DDX4: variants seen among roughly 807,000 people sequenced by gnomAD.
The protein encoded by DDX4 is DEAD-box helicase 4.
DDX4 carries 25 observed loss-of-function variants against 100.0 expected under a neutral mutation model. The observed-to-expected ratio is 0.25, with a 90% CI of 0.18 to 0.35. DDX4 has a LOEUF of 0.35. Ranked by LOEUF, DDX4 falls within the 10% of genes least tolerant of loss-of-function variation. The probability of loss-of-function intolerance (pLI) is 1.00; values close to 1 mark genes in which losing one functional copy is unlikely to be tolerated. For missense variants in DDX4, 635 were observed against 882.4 expected (o/e 0.72, Z 3.55); for synonymous variants, 259 against 275.7 (o/e 0.94, Z 0.60).
intron 16 of DDX4, among the ~76,000 whole-genome samples, chr5:55,792,092 C>G (rs557486727): frequency 8.4e-4 from 120 of 142,582 alleles, no homozygotes; most frequent in African/African-American, 2.9e-3. Flanking sequence ...CCACTGCACT[C>G]CAGCCTGGGC....
Position 55,795,676 on chromosome 5 carries a change from A to G in DDX4, c.1470-2750A>G, listed in dbSNP as rs527617141. Among the ~76,000 whole-genome samples, 187 of 152,252 alleles carry G rather than the reference A, an allele frequency of 1.2e-3. 6 individuals are homozygous for G. The South Asian group carries it at 0.037, about 30-fold the overall frequency. Reference sequence around the variant, plus strand: ...TAGGTTCAGCTACTCAGGAGGCTAAAGTGGGAGGATCTCTTGAGCCCAGGA... The same window carrying G: ...TAGGTTCAGCTACTCAGGAGGCTAAGGTGGGAGGATCTCTTGAGCCCAGGA... On this transcript the variant is annotated intron_variant, in intron 17 of 21. Coordinates refer to ENST00000505374, the MANE Select transcript of DDX4 (RefSeq NM_024415.3).
intron 2 of DDX4, among the ~76,000 whole-genome samples, chr5:55,741,677 T>C (rs1479688329): frequency 1.3e-5 from 2 of 151,934 alleles, no homozygotes; most frequent in African/African-American, 4.8e-5. Context: ...TAGCCTCAGC[T>C]ACTTGGGAGG....
chr5:55,785,808 C>T lies in DDX4; in HGVS notation c.801C>T (p.Asn267=). Residue 267 remains asparagine (N), a synonymous_variant, in exon 13 of 22, where the codon AAC becomes AAT. Coordinates refer to ENST00000505374, the MANE Select transcript of DDX4 (RefSeq NM_024415.3). ...SIFAHYQTGI[N]FDKYDTILVE... The stretch of plus-strand genomic sequence containing the variant: ...TTGCACATTATCAGACAGGCATAAA[C>T]TTCGACAAATACGACACTATTCTTG... The T allele has an allele frequency of 1.2e-6, 2 of 1,610,220 alleles. No homozygotes were observed. Among genetic ancestry groups the T allele is most frequent in the Non-Finnish European group, 1.7e-6 (2 of 1,176,458 alleles).
Position 55,790,208 on chromosome 5 carries a change from G to T in DDX4, c.1173-368G>T, listed in dbSNP as rs75161986. Among the ~76,000 whole-genome samples, 4 of 145,246 alleles carry T rather than the reference G, an allele frequency of 2.8e-5. No individual in the cohort carries two copies. The East Asian group carries it at 6.2e-4, about 22-fold the overall frequency. ...TGCCCAGGCTGGAGTAGAGTGGTGG[G>T]ATCTCGGCTCACTGCAACCTCTGCC... On this transcript the variant is annotated intron_variant, in intron 15 of 21. Coordinates refer to ENST00000505374, the MANE Select transcript of DDX4 (RefSeq NM_024415.3).
chr5:55,751,442 C>T (rs1175514106), intron 3 of DDX4, among the ~76,000 whole-genome samples: 2 of 152,162 alleles, frequency 1.3e-5, no homozygotes, highest in East Asian at 3.8e-4. Flanking sequence ...GCTATGTTGC[C>T]CAGGCTGGTC....
At chr5:55,803,178 G>C (rs374536938) in intron 18 of DDX4, among the ~76,000 whole-genome samples, 1 of 127,024 alleles carries the variant, frequency 7.9e-6, no homozygotes, top group South Asian at 2.7e-4. Flanking sequence ...AATTCCCACC[G>C]ATGAGTGAGA....
Position 55,791,776 on chromosome 5 carries a change from G to A in DDX4, c.1303-865G>A, listed in dbSNP as rs115751862. ...AAGTCACAGTAGCCACATTTCAAGCGCCTAATAGCTAGCTACCTTTGGCTA... is the reference window on the plus strand; with the variant it reads ...AAGTCACAGTAGCCACATTTCAAGCACCTAATAGCTAGCTACCTTTGGCTA... On this transcript the variant is annotated intron_variant, in intron 16 of 21. Transcript: ENST00000505374. 4.1e-3 allele frequency among the ~76,000 whole-genome samples: 629 copies of A among 152,228 alleles called. 3 individuals carry two copies. Among genetic ancestry groups the A allele is most frequent in the African/African-American group, 0.015 (610 of 41,530 alleles).
At chr5:55,742,232 AGT>A (rs777408484) in intron 2 of DDX4, 1 of 456,272 alleles carries the variant, frequency 2.2e-6, no homozygotes, top group South Asian at 1.5e-5. Flanking sequence ...TATTGGGGTG[AGT>A]GTTAGAATGG....
At chr5:55,803,897 G>A (rs1316368534) in intron 18 of DDX4, among the ~76,000 whole-genome samples, 1 of 152,112 alleles carries the variant, frequency 6.6e-6, no homozygotes, top group East Asian at 1.9e-4. Flanking sequence ...CTGAGGAATC[G>A]CCACACTGAC....
intron 18 of DDX4, among the ~76,000 whole-genome samples, chr5:55,806,897 G>A (rs4865629): frequency 0.015 from 2,327 of 151,698 alleles, 91 homozygotes; most frequent in Admixed American, 0.09. Flanking sequence ...TTTCTGTCTC[G>A]ATCTGTCTAA....
intron 6 of DDX4, among the ~76,000 whole-genome samples, chr5:55,767,558 A>G (rs1166205298): frequency 1.1e-4 from 16 of 152,206 alleles, no homozygotes. Context: ...TCCTGAAATC[A>G]TTTTTGGTCA....
At chr5:55,765,413 A>ATATATATAT (rs1554076987) in intron 6 of DDX4, among the ~76,000 whole-genome samples, 109 of 82,958 alleles carry the variant, frequency 1.3e-3, no homozygotes, top group Non-Finnish European at 2.1e-3. Flanking sequence ...AAAAAAAAAA[A>ATATATATAT]ATATATATAT....
chr5:55,814,876 A>G (rs759458128), intron 19 of DDX4, 25 bp from the exon 20 acceptor site: 32 of 1,594,634 alleles, frequency 2.0e-5, no homozygotes, highest in Non-Finnish European at 2.6e-5. Flanking sequence ...AGTGGTTCTA[A>G]TAACATGCTT....
In DDX4 at chr5:55,757,133, G is replaced by A. The variant is rs147396834; in HGVS notation, c.128-3067G>A. Among the ~76,000 whole-genome samples the A allele has an allele frequency of 9.7e-4, 148 of 152,150 alleles. No homozygotes were observed. The Middle Eastern group carries it at 0.01, about 10-fold the overall frequency. ...TTTTTATGTATTTTTTATTTACATAGGTTTTTGGGGAACAGGTGGTGTTTG... is the reference window on the plus strand; with the variant it reads ...TTTTTATGTATTTTTTATTTACATAAGTTTTTGGGGAACAGGTGGTGTTTG... On this transcript the variant is annotated intron_variant, in intron 3 of 21. Coordinates refer to ENST00000505374, the MANE Select transcript of DDX4 (RefSeq NM_024415.3).
At position 55,781,056 on chromosome 5, in the gene DDX4, G is replaced by T. The variant is rs369485543; in HGVS notation, c.497-10G>T. The T allele has an allele frequency of 1.3e-6, 2 of 1,591,428 alleles. No individual in the cohort carries two copies. The highest frequency in any genetic ancestry group is 1.7e-6 in the Non-Finnish European group (2 of 1,173,590). On this transcript the variant is annotated splice_polypyrimidine_tract_variant and intron_variant, in intron 8 of 21. Coordinates refer to ENST00000505374, the MANE Select transcript of DDX4 (RefSeq NM_024415.3). ...GTAATGTAATCTAATTTTACTTTCT[G>T]CAAATCAAGATAATGACTTAGACCC...
At chr5:55,748,199 T>G (rs1759347231) in intron 3 of DDX4, among the ~76,000 whole-genome samples, 1 of 152,240 alleles carries the variant, frequency 6.6e-6, no homozygotes. Flanking sequence ...TCTCAGAAGT[T>G]CTTGGAATCC....
intron 4 of DDX4, among the ~76,000 whole-genome samples, chr5:55,762,529 A>G (rs895328269): frequency 6.6e-6 from 1 of 152,218 alleles, no homozygotes; most frequent in African/African-American, 2.4e-5. Context: ...TGCCAAAGGA[A>G]TAGCATGTAC....
intron 18 of DDX4, among the ~76,000 whole-genome samples, chr5:55,804,326 A>G (rs1219416657): frequency 3.3e-5 from 5 of 151,282 alleles, no homozygotes; most frequent in Non-Finnish European, 7.4e-5. Context: ...CTTTAGTTTA[A>G]TTAGATCCCA....
intron 4 of DDX4, among the ~76,000 whole-genome samples, chr5:55,760,752 GAAC>G (rs1048750487): frequency 6.6e-6 from 1 of 151,978 alleles, no homozygotes; most frequent in African/African-American, 2.4e-5. Context: ...TTTACTTTTA[GAAC>G]AACCACCTGA....
Sources: allele counts gnomAD v4.1 joint callset (sites outside exome capture counted in the v4.1 genomes callset), GRCh38; gene constraint gnomAD v4.1.1; transcripts MANE v1.5; gene names NCBI Gene and HGNC (gene_info 2026-07-23, HGNC 2026-07-21).